The following SLC35D4 variants were observed in gnomAD, a reference collection of about 807,000 sequenced individuals.
SLC35D4 encodes the protein solute carrier family 35 member D4.
the SLC35D4 span, chr18:23,254,081 TAGTGGGAA>T: frequency 4.5e-6 from 3 of 670,270 alleles, no homozygotes; most frequent in South Asian, 5.5e-5. Context: ...GTCTTTCCCA[TAGTGGGAA>T]TAGTCAGGCT....
At chr18:23,303,859 G>A in the SLC35D4 span, among the ~76,000 whole-genome samples, 5 of 150,810 alleles carry the variant, frequency 3.3e-5, no homozygotes, top group Admixed American at 1.3e-4. Flanking sequence ...CTGAGATCGC[G>A]CCACTGCACT....
the SLC35D4 span, among the ~76,000 whole-genome samples, chr18:23,255,380 AAGGT>A: frequency 2.0e-5 from 3 of 152,168 alleles, no homozygotes; most frequent in Non-Finnish European, 4.4e-5. Flanking sequence ...AAAGGGCACT[AAGGT>A]AGGTACTCCC....
the SLC35D4 span, among the ~76,000 whole-genome samples, chr18:23,348,863 T>C: frequency 8.5e-5 from 13 of 152,250 alleles, no homozygotes; most frequent in Non-Finnish European, 1.3e-4. Flanking sequence ...ATATGGCTGC[T>C]AGCAACAAAT....
chr18:23,336,310 A>G, the SLC35D4 span, among the ~76,000 whole-genome samples: 1 of 152,192 alleles, frequency 6.6e-6, no homozygotes, highest in Non-Finnish European at 1.5e-5. Flanking sequence ...TTGCCACTTC[A>G]TGTTCCTGTC....
chr18:23,304,951 T>C, the SLC35D4 span, among the ~76,000 whole-genome samples: 1 of 152,240 alleles, frequency 6.6e-6, no homozygotes, highest in African/African-American at 2.4e-5. Context: ...ATTAACACAG[T>C]TACTATCTGA....
the SLC35D4 span, among the ~76,000 whole-genome samples, chr18:23,400,290 T>C: frequency 6.0e-3 from 911 of 152,298 alleles, 41 homozygotes; most frequent in East Asian, 0.13. Context: ...ACACAGTGCA[T>C]ATCACTGAGG....
chr18:23,405,591 T>C, the SLC35D4 span, among the ~76,000 whole-genome samples: 1 of 152,200 alleles, frequency 6.6e-6, no homozygotes, highest in Admixed American at 6.5e-5. Context: ...TAAGCACCCA[T>C]TATATTCCAA....
chr18:23,371,880 C>T, the SLC35D4 span, among the ~76,000 whole-genome samples: 1 of 150,404 alleles, frequency 6.6e-6, no homozygotes, highest in African/African-American at 2.5e-5. Context: ...TTATTATTCT[C>T]CACAGGACTT....
the SLC35D4 span, among the ~76,000 whole-genome samples, chr18:23,388,987 CTTTTTTTTTTTT>C: frequency 3.2e-5 from 4 of 126,194 alleles, no homozygotes; most frequent in African/African-American, 9.3e-5. Flanking sequence ...TCAAGTAGTT[CTTTTTTTTTTTT>C]TTTTTTTTGA....
At chr18:23,354,345 C>CAAAAAAAAAAAAAAA in the SLC35D4 span, among the ~76,000 whole-genome samples, 5 of 99,138 alleles carry the variant, frequency 5.0e-5, no homozygotes, top group Admixed American at 1.3e-4. Flanking sequence ...ACTAAAAATA[C>CAAAAAAAAAAAAAAA]AAAAAAAAAA....
At chr18:23,365,328 C>T in the SLC35D4 span, among the ~76,000 whole-genome samples, 11 of 152,072 alleles carry the variant, frequency 7.2e-5, no homozygotes, top group South Asian at 2.1e-4. Context: ...CAATTCAGGA[C>T]GCTTGGAAAA....
chr18:23,247,782 G>A, the SLC35D4 span, among the ~76,000 whole-genome samples: 9 of 152,202 alleles, frequency 5.9e-5, no homozygotes, highest in African/African-American at 2.2e-4. Context: ...CAGCAGACAG[G>A]AGGCCAGGAC....
At chr18:23,371,387 G>A in the SLC35D4 span, 3 of 1,512,542 alleles carry the variant, frequency 2.0e-6, no homozygotes, top group Non-Finnish European at 2.7e-6. Context: ...GAGCCACCGT[G>A]CCCAGCCTTA....
chr18:23,380,491 C>T, the SLC35D4 span, among the ~76,000 whole-genome samples: 1 of 152,154 alleles, frequency 6.6e-6, no homozygotes, highest in Non-Finnish European at 1.5e-5. Context: ...TTTCCTTGCT[C>T]CTCCCATGCC....
At chr18:23,341,485 C>T in the SLC35D4 span, among the ~76,000 whole-genome samples, 5 of 152,196 alleles carry the variant, frequency 3.3e-5, no homozygotes, top group African/African-American at 1.2e-4. Context: ...CCCTTAACGA[C>T]CTCCCTCCCT....
the SLC35D4 span, among the ~76,000 whole-genome samples, chr18:23,267,353 C>G: frequency 2.6e-5 from 4 of 152,174 alleles, no homozygotes; most frequent in Non-Finnish European, 5.9e-5. Flanking sequence ...CCACGCTCCT[C>G]TCAAGTTCAG....
chr18:23,433,004 T>G, the SLC35D4 span, among the ~76,000 whole-genome samples: 2 of 148,604 alleles, frequency 1.3e-5, no homozygotes, highest in Non-Finnish European at 3.0e-5. Context: ...AAAAAAAAAT[T>G]GGAGCCATTG....
chr18:23,371,416 A>C, the SLC35D4 span: 2 of 1,571,184 alleles, frequency 1.3e-6, no homozygotes, highest in Non-Finnish European at 1.7e-6. Flanking sequence ...TTCTTTTAAA[A>C]CTTACCTACA....
the SLC35D4 span, among the ~76,000 whole-genome samples, chr18:23,308,761 G>A: frequency 6.6e-6 from 1 of 152,128 alleles, no homozygotes; most frequent in Non-Finnish European, 1.5e-5. Flanking sequence ...AATGGGTAGT[G>A]CATTCTAAAC....
Sources: allele counts gnomAD v4.1 joint callset (sites outside exome capture counted in the v4.1 genomes callset), GRCh38; gene constraint gnomAD v4.1.1; transcripts MANE v1.5; gene names NCBI Gene and HGNC (gene_info 2026-07-23, HGNC 2026-07-21).